Variants in GTF2IRD1 observed in about 807,000 individuals in gnomAD.
GTF2IRD1 encodes the protein general transcription factor II-I repeat domain-containing protein 1.
In GTF2IRD1, 26 loss-of-function variants were observed where a neutral mutation model predicts 113.2. The ratio of observed to expected loss-of-function variants is 0.23; its 90% CI spans 0.17 to 0.32. The LOEUF (loss-of-function observed/expected upper bound fraction) is 0.32. GTF2IRD1 is among the 10% of genes least tolerant of loss of function. GTF2IRD1 has a pLI of 1.00. For synonymous variants in GTF2IRD1, 484 were observed against 529.1 expected (o/e 0.91, Z 1.17); for missense variants, 864 against 1,280.8 (o/e 0.67, Z 4.97).
chr7:74,568,603 G>A (rs868945683), intron 22 of GTF2IRD1, among the ~76,000 whole-genome samples: 8 of 152,080 alleles, frequency 5.3e-5, no homozygotes, highest in South Asian at 4.1e-4. Flanking sequence ...AGCCGAGATT[G>A]TGCCACTGCA....
chr7:74,531,938 C>G (rs1187076914), intron 9 of GTF2IRD1, among the ~76,000 whole-genome samples: 5 of 152,158 alleles, frequency 3.3e-5, no homozygotes, highest in Admixed American at 2.6e-4. Flanking sequence ...TACTGGGATA[C>G]AATAGAATCC....
rs1797072215 is a variant in GTF2IRD1 at position 74,518,320 on chromosome 7, G to A, written c.603G>A (p.Lys201=). The stretch of plus-strand genomic sequence containing the variant: ...GCCACCGCATCCGCTTCAAGCTCAA[G>A]AGGTGAGTGAGGTAGCCGGCCCGGG... The part of the protein sequence containing the change: ...EHSHRIRFKL[K]RPLEDGGRDS... The change falls in exon 5 of 27, where the codon AAG becomes AAA. Residue 201 remains lysine, a splice_region_variant and synonymous_variant. Coordinates refer to ENST00000424337, the MANE Select transcript of GTF2IRD1 (RefSeq NM_005685.4). 1 of 1,581,250 alleles carries A rather than the reference G, an allele frequency of 6.3e-7. No homozygotes were observed. The highest frequency in any genetic ancestry group is 1.7e-5 in the Admixed American group (1 of 58,322).
chr7:74,515,675 T>G, intron 4 of GTF2IRD1, 79 bp downstream of exon 4: 1 of 1,335,664 alleles, frequency 7.5e-7, no homozygotes, highest in Non-Finnish European at 1.0e-6. Context: ...GGGGGCCCCC[T>G]CCTGTCCCAC....
Position 74,602,455 on chromosome 7 carries a change from C to T in GTF2IRD1, c.*22C>T. ...CTAGACCTCAGTACTGAATCAGGAC[C>T]TCACTCAGAAAGACTAAAGGAAATG... On this transcript the variant is annotated 3_prime_UTR_variant, in exon 27 of 27. Coordinates refer to ENST00000424337, the MANE Select transcript of GTF2IRD1 (RefSeq NM_005685.4). 1 of 1,597,690 alleles carries T rather than the reference C, an allele frequency of 6.3e-7. No individual in the cohort carries two copies. The highest frequency in any genetic ancestry group is 1.3e-5 in the African/African-American group (1 of 74,634).
chr7:74,589,975 G>A (rs1554368967), intron 23 of GTF2IRD1, 47 bp downstream of exon 23: 2 of 1,251,480 alleles, frequency 1.6e-6, no homozygotes, highest in South Asian at 2.5e-5. Flanking sequence ...TCCTCCCGGG[G>A]GTGGTGGGGG....
intron 22 of GTF2IRD1, among the ~76,000 whole-genome samples, chr7:74,568,998 G>C (rs782213572): frequency 4.6e-5 from 7 of 152,168 alleles, no homozygotes; most frequent in African/African-American, 9.7e-5. Context: ...GAAATCCCCA[G>C]GAAATAAGAC....
chr7:74,532,354 G>A (rs1207826312), intron 9 of GTF2IRD1, among the ~76,000 whole-genome samples: 1 of 152,134 alleles, frequency 6.6e-6, no homozygotes, highest in Non-Finnish European at 1.5e-5. Flanking sequence ...AGGAGTTTGA[G>A]ACCAACCTGG....
intron 3 of GTF2IRD1, among the ~76,000 whole-genome samples, chr7:74,514,245 G>A (rs1796791084): frequency 6.6e-6 from 1 of 152,110 alleles, no homozygotes. Flanking sequence ...GCTGTTTCAG[G>A]GAAGGGCATC....
intron 2 of GTF2IRD1, 85 bp downstream of exon 2, chr7:74,508,288 G>A (rs757068902): frequency 8.3e-6 from 12 of 1,452,366 alleles, no homozygotes; most frequent in East Asian, 2.3e-5. Flanking sequence ...TCAGCTACTC[G>A]AAGGAGCTTT....
At chr7:74,559,779 CT>C in intron 22 of GTF2IRD1, 124 bp downstream of exon 22, 1 of 735,880 alleles carries the variant, frequency 1.4e-6, no homozygotes. Context: ...AGGCCCCTGC[CT>C]TTCTTTTTTT....
intron 14 of GTF2IRD1, among the ~76,000 whole-genome samples, chr7:74,540,627 T>C (rs1186374549): frequency 2.6e-5 from 4 of 151,572 alleles, no homozygotes; most frequent in Admixed American, 1.3e-4. Context: ...CACATCCTCA[T>C]GTGAAGAGAT....
chr7:74,515,733 A>G lies in GTF2IRD1; in HGVS notation c.421+137A>G. On this transcript the variant is annotated intron_variant, in intron 4 of 26. Transcript: ENST00000424337. ...ACCCCAAGGCATGGGGCTACTGGCT[A>G]CCCCAGCCCTTCCTCATCTCTGCAT... 3 of 681,834 alleles carry G rather than the reference A, an allele frequency of 4.4e-6. No individual in the cohort carries two copies. The East Asian group carries it at 8.2e-5, about 19-fold the overall frequency. 42.2% of individuals were successfully genotyped at this position (681,834 alleles called of 1,614,324 possible).
intron 22 of GTF2IRD1, among the ~76,000 whole-genome samples, chr7:74,571,544 C>T (rs1554362692): frequency 6.6e-6 from 1 of 152,230 alleles, no homozygotes; most frequent in African/African-American, 2.4e-5. Flanking sequence ...CCACTTTCAT[C>T]TCAGTTTAAG....
At chr7:74,554,586 T>G (rs587651646) in intron 17 of GTF2IRD1, among the ~76,000 whole-genome samples, 4 of 152,274 alleles carry the variant, frequency 2.6e-5, no homozygotes, top group Non-Finnish European at 4.4e-5. Flanking sequence ...TCACCCAGGC[T>G]GGAGTGCAGT....
Position 74,544,779 on chromosome 7 carries a change from G to A in GTF2IRD1, c.1643G>A (p.Arg548Gln), listed in dbSNP as rs781976290. 22 of 1,613,788 alleles carry A rather than the reference G, an allele frequency of 1.4e-5. No homozygotes were observed. Among genetic ancestry groups the A allele is most frequent in the Admixed American group, 6.7e-5 (4 of 59,986 alleles). Reference protein sequence around the residue: ...LTDKGLSEDARPEERPVEDSH... With the variant: ...LTDKGLSEDAQPEERPVEDSH... ...GACAAAGGTCTGAGTGAGGACGCGC[G>A]GCCCGAGGAGAGGCCCGTGGAGGGT... The change falls in exon 15 of 27, where the codon CGG becomes CAG. Residue 548 changes from arginine (R) to glutamine (Q), a missense_variant. Transcript: ENST00000424337.
At chr7:74,553,883 G>A (rs587772983) in intron 17 of GTF2IRD1, among the ~76,000 whole-genome samples, 4 of 152,266 alleles carry the variant, frequency 2.6e-5, no homozygotes, top group East Asian at 3.9e-4. Context: ...AATGCAGTCC[G>A]AAGCCTTTTC....
rs1554373834 is a variant in GTF2IRD1 at position 74,601,051 on chromosome 7, C to A, written c.2637C>A (p.Asp879Glu). The change falls in exon 26 of 27, where the codon GAC (aspartate) becomes GAA (glutamate). Residue 879 changes from aspartate (D) to glutamate (E), a missense_variant. This residue lies in a region of GTF2IRD1 where 55 missense variants were observed against 52.2 expected (regional missense o/e 1.05). Coordinates refer to ENST00000424337, the MANE Select transcript of GTF2IRD1 (RefSeq NM_005685.4). ...CTTTTCCCCTCCTTCCAGCCAAAGACAGCAGCATTCCCAAGCGCAAGAGAA... is the reference window on the plus strand; with the variant it reads ...CTTTTCCCCTCCTTCCAGCCAAAGAAAGCAGCATTCCCAAGCGCAAGAGAA... The part of the protein sequence containing the change: ...ICNDAKVPAK[D>E]SSIPKRKRKR... 1 of 1,614,060 alleles carries A rather than the reference C, an allele frequency of 6.2e-7. No homozygotes were observed. The highest frequency in any genetic ancestry group is 2.2e-5 in the East Asian group (1 of 44,892).
In GTF2IRD1 at chr7:74,515,547, T is replaced by C. The variant is rs367593286; in HGVS notation, c.372T>C (p.Asp124=). The C allele has an allele frequency of 2.5e-6, 4 of 1,613,452 alleles. No homozygotes were observed. Among genetic ancestry groups the C allele is most frequent in the Non-Finnish European group, 8.5e-7 (1 of 1,179,534 alleles). The change falls in exon 4 of 27, where the codon GAT becomes GAC. Residue 124 remains aspartate (D), a synonymous_variant. Coordinates refer to ENST00000424337, the MANE Select transcript of GTF2IRD1 (RefSeq NM_005685.4). Reference sequence around the variant, plus strand: ...GGTCCTCCCTGGAACATGGCTCAGATGTGTACCTTCTGCGGAAGATGGTAG... The same window carrying C: ...GGTCCTCCCTGGAACATGGCTCAGACGTGTACCTTCTGCGGAAGATGGTAG... ...LPRSSLEHGS[D]VYLLRKMVEE...
intron 1 of GTF2IRD1, among the ~76,000 whole-genome samples, chr7:74,496,416 T>G (rs1430697331): frequency 2.7e-5 from 4 of 148,324 alleles, no homozygotes; most frequent in African/African-American, 1.0e-4. Flanking sequence ...CATGTGGGTG[T>G]CAATGTGTGT....
Sources: allele counts gnomAD v4.1 joint callset (sites outside exome capture counted in the v4.1 genomes callset), GRCh38; gene constraint gnomAD v4.1.1; regional missense constraint gnomAD v4.1.1; transcripts MANE v1.5; gene names NCBI Gene and HGNC (gene_info 2026-07-23, HGNC 2026-07-21).